The following UGT1A10 variants were observed in gnomAD, a reference collection of about 807,000 sequenced individuals.
The protein encoded by UGT1A10 is UDP-glucuronosyltransferase 1A10.
Under a neutral mutation model 45.8 loss-of-function variants are expected in UGT1A10, and 49 were observed. The ratio of observed to expected loss-of-function variants is 1.07; its 90% CI spans 0.85 to 1.36. The LOEUF is 1.36. Among genes scored for constraint, UGT1A10 ranks in the 40% most tolerant of loss-of-function variants. The probability of loss-of-function intolerance (pLI) is 0.00; values close to 1 mark genes in which losing one functional copy is unlikely to be tolerated. For synonymous variants in UGT1A10, 284 were observed against 249.7 expected (o/e 1.14, Z -1.29); for missense variants, 745 against 668.6 (o/e 1.11, Z -1.26).
chr2:233,766,947 A>G (rs749614811), intron 1 of UGT1A10, 87 bp from the exon 2 acceptor site: 24 of 1,599,406 alleles, frequency 1.5e-5, no homozygotes, highest in Non-Finnish European at 2.0e-5. Context: ...TAGTCTTAAG[A>G]GGAAGATATC....
intron 1 of UGT1A10, among the ~76,000 whole-genome samples, chr2:233,765,710 AT>A (rs1243221658): frequency 7.2e-6 from 1 of 138,280 alleles, no homozygotes; most frequent in East Asian, 2.2e-4. Context: ...AATAATAATA[AT>A]TAATAATAAT....
intron 1 of UGT1A10, among the ~76,000 whole-genome samples, chr2:233,667,797 G>A (rs1307747229): frequency 6.6e-6 from 1 of 152,150 alleles, no homozygotes; most frequent in African/African-American, 2.4e-5. Flanking sequence ...ATCATCACTG[G>A]CCATCTGAGA....
At chr2:233,739,887 A>G (rs1419215414) in intron 1 of UGT1A10, among the ~76,000 whole-genome samples, 1 of 151,912 alleles carries the variant, frequency 6.6e-6, no homozygotes, top group African/African-American at 2.4e-5. Context: ...GTGTGTTTCC[A>G]CCCAAATCTC....
At chr2:233,701,810 C>T (rs1265749289) in intron 1 of UGT1A10, among the ~76,000 whole-genome samples, 1 of 152,034 alleles carries the variant, frequency 6.6e-6, no homozygotes, top group African/African-American at 2.4e-5. Flanking sequence ...AACAAAGACA[C>T]AACATACCAG....
chr2:233,713,149 C>G, intron 1 of UGT1A10: 5 of 1,614,172 alleles, frequency 3.1e-6, no homozygotes, highest in Non-Finnish European at 4.2e-6. Flanking sequence ...GACCTCCATG[C>G]GAGAGGCCAC....
At chr2:233,647,778 C>G (rs1197393282) in intron 1 of UGT1A10, 1 of 539,498 alleles carries the variant, frequency 1.9e-6, no homozygotes, top group Non-Finnish European at 3.0e-6. Flanking sequence ...TGTCTTTTTT[C>G]CTAATCAGTC....
intron 1 of UGT1A10, among the ~76,000 whole-genome samples, chr2:233,765,979 G>A (rs1451312439): frequency 1.3e-5 from 2 of 152,138 alleles, no homozygotes; most frequent in Non-Finnish European, 2.9e-5. Flanking sequence ...GATGTTTACA[G>A]CTCCTGAAGC....
chr2:233,687,690 C>G (rs1385229138), intron 1 of UGT1A10, among the ~76,000 whole-genome samples: 1 of 151,794 alleles, frequency 6.6e-6, no homozygotes, highest in Non-Finnish European at 1.5e-5. Context: ...ATCACTTAAG[C>G]CCAGGAGTTT....
chr2:233,682,261 A>C (rs781510118), intron 1 of UGT1A10: 3 of 1,614,184 alleles, frequency 1.9e-6, no homozygotes, highest in Non-Finnish European at 2.5e-6. Flanking sequence ...CATTTTCTCT[A>C]TTAACAAGTT....
Position 233,772,828 on chromosome 2 carries a change from C to T in UGT1A10, c.*269C>T, listed in dbSNP as rs762669023. The stretch of plus-strand genomic sequence containing the variant: ...TTCAGAGGACGTGCAGACAGGCTGG[C>T]ATTCTAGATTACTTTTCTTACTCTG... On this transcript the variant is annotated 3_prime_UTR_variant, in exon 5 of 5. Coordinates refer to ENST00000344644, the MANE Select transcript of UGT1A10 (RefSeq NM_019075.4). 7.5e-5 allele frequency: 69 copies of T among 921,010 alleles called. No individual in the cohort carries two copies. The highest frequency in any genetic ancestry group is 9.8e-5 in the Non-Finnish European group (65 of 663,798). 57.1% of individuals were successfully genotyped at this position (921,010 alleles called of 1,614,324 possible).
At chr2:233,765,838 T>A (rs1248201211) in intron 1 of UGT1A10, among the ~76,000 whole-genome samples, 1 of 152,108 alleles carries the variant, frequency 6.6e-6, no homozygotes, top group Non-Finnish European at 1.5e-5. Flanking sequence ...AAAACTTTCC[T>A]TGTCCCCCTC....
chr2:233,641,747 C>T (rs28969981), intron 1 of UGT1A10, among the ~76,000 whole-genome samples: 3,460 of 152,248 alleles, frequency 0.023, 63 homozygotes, highest in Admixed American at 0.038. Context: ...ATTTCTCCTT[C>T]CTGTTTGAAG....
intron 1 of UGT1A10, among the ~76,000 whole-genome samples, chr2:233,707,183 C>T (rs192389190): frequency 1.4e-4 from 22 of 152,240 alleles, no homozygotes; most frequent in Admixed American, 5.2e-4. Context: ...TCCTGGGTGC[C>T]TGCCCTCCGT....
chr2:233,698,796 G>C (rs896772598), intron 1 of UGT1A10, among the ~76,000 whole-genome samples: 1 of 152,162 alleles, frequency 6.6e-6, no homozygotes, highest in African/African-American at 2.4e-5. Context: ...GTAACCTCTG[G>C]GCTCCCAGCC....
At chr2:233,761,227 G>GAT in intron 1 of UGT1A10, 1 of 1,613,278 alleles carries the variant, frequency 6.2e-7, no homozygotes, top group Non-Finnish European at 8.5e-7. Flanking sequence ...ACTAGCCCCA[G>GAT]ATATATGCTG....
chr2:233,769,849 C>A lies in UGT1A10; in HGVS notation c.1295+1410C>A, dbSNP rs1159124687. ...CAGCAACCTGGGCAACAGAGTGAGA[C>A]CCTGTCTCAAAAAAAAAAAAAAAAA... On this transcript the variant is annotated intron_variant, in intron 4 of 4. Transcript: ENST00000344644. The surrounding 1 kb of genome is among the most constrained non-coding windows in gnomAD (Gnocchi z 4.4). 1 of 524,548 alleles carries A rather than the reference C, an allele frequency of 1.9e-6. No homozygotes were observed. The highest frequency in any genetic ancestry group is 3.0e-6 in the Non-Finnish European group (1 of 331,924). The allele number at this position is 524,548 out of a possible 1,614,324, so 32.5% of individuals were successfully genotyped here.
intron 1 of UGT1A10, among the ~76,000 whole-genome samples, chr2:233,645,249 A>G (rs766279100): frequency 2.8e-4 from 42 of 152,206 alleles, no homozygotes; most frequent in Middle Eastern, 3.4e-3. Context: ...CCATGATTCA[A>G]TTTTCCCACC....
intron 1 of UGT1A10, among the ~76,000 whole-genome samples, chr2:233,665,344 T>C (rs982176318): frequency 2.0e-5 from 3 of 152,272 alleles, no homozygotes; most frequent in Non-Finnish European, 2.9e-5. Flanking sequence ...TTTAATACTT[T>C]CTTTACATTA....
At chr2:233,711,959 T>C (rs999056036) in intron 1 of UGT1A10, among the ~76,000 whole-genome samples, 2 of 152,220 alleles carry the variant, frequency 1.3e-5, no homozygotes, top group African/African-American at 4.8e-5. Context: ...ATTCTCCATT[T>C]TGAAATTTGA....
Sources: gnomAD v4.1 joint callset for allele counts (sites outside exome capture counted in the v4.1 genomes callset) on GRCh38, gnomAD v4.1.1 for gene constraint, Gnocchi (gnomAD v3.1) non-coding constraint, MANE v1.5 for transcripts, NCBI Gene and HGNC (gene_info 2026-07-23, HGNC 2026-07-21) for gene names.